The following CNTN1 variants were observed in gnomAD, a reference collection of about 807,000 sequenced individuals.
CNTN1 encodes the protein contactin-1.
In CNTN1, 38 loss-of-function variants were observed where a neutral mutation model predicts 126.4. The observed-to-expected ratio is 0.30, with a 90% CI of 0.23 to 0.39. The LOEUF is 0.39. Ranked by LOEUF, CNTN1 falls within the 10% of genes least tolerant of loss-of-function variation. CNTN1 has a pLI of 1.00. For missense variants in CNTN1, 1,009 were observed against 1,248.4 expected, an observed-to-expected ratio of 0.81 and a Z score of 2.89; for synonymous variants, 413 against 422.6, an observed-to-expected ratio of 0.98 and a Z score of 0.28.
chr12:40,792,675 G>A (rs1940263676), intron 1 of CNTN1, among the ~76,000 whole-genome samples: 1 of 151,930 alleles, frequency 6.6e-6, no homozygotes, highest in African/African-American at 2.4e-5. Flanking sequence ...ATAATTATTT[G>A]TCTTATATTT....
At chr12:41,028,451 A>G (rs1355585672) in intron 22 of CNTN1, among the ~76,000 whole-genome samples, 5 of 152,340 alleles carry the variant, frequency 3.3e-5, no homozygotes, top group African/African-American at 4.8e-5. Context: ...TGTTATGTCA[A>G]AAGTGTAAGA....
In CNTN1 at chr12:41,070,089, C is replaced by T. The variant is rs2069706845; in HGVS notation, c.*54C>T. On this transcript the variant is annotated 3_prime_UTR_variant, in exon 24 of 24. Transcript: ENST00000551295. The stretch of plus-strand genomic sequence containing the variant: ...CCAGCTCAGAAGACACCCTTCAACC[C>T]TGGGATGACCACAATTCCTTCCAAT... The T allele has an allele frequency of 6.1e-6, 9 of 1,471,736 alleles. No individual in the cohort carries two copies. Among genetic ancestry groups the T allele is most frequent in the Admixed American group, 5.0e-5 (3 of 59,760 alleles). The allele number at this position is 1,471,736 out of a possible 1,614,324, so 91.2% of individuals were successfully genotyped here.
rs1299511475 is a variant in CNTN1, at chr12:41,071,214, G to A, written c.*1179G>A. The A allele has an allele frequency of 6.6e-6, 1 of 152,128 alleles. No individual in the cohort carries two copies. Among genetic ancestry groups the A allele is most frequent in the Non-Finnish European group, 1.5e-5 (1 of 68,028 alleles). 9.4% of individuals were successfully genotyped at this position (152,128 alleles called of 1,614,324 possible). ...AAGAGTATGCAAAACTGGAAGGCCA[G>A]GAGGAGGCAAATAATATGTCTTTCC... On this transcript the variant is annotated 3_prime_UTR_variant, in exon 24 of 24. Coordinates refer to ENST00000551295, the MANE Select transcript of CNTN1 (RefSeq NM_001843.4).
chr12:40,926,068 A>G (rs1945676086), intron 6 of CNTN1, among the ~76,000 whole-genome samples: 1 of 151,558 alleles, frequency 6.6e-6, no homozygotes, highest in Non-Finnish European at 1.5e-5. Flanking sequence ...CAGTGGAGCA[A>G]AACAGGAAAA....
At chr12:40,889,274 G>A (rs939113002) in intron 1 of CNTN1, among the ~76,000 whole-genome samples, 1 of 152,134 alleles carries the variant, frequency 6.6e-6, no homozygotes, top group African/African-American at 2.4e-5. Context: ...CAAAGATGGG[G>A]GATGTGATAA....
intron 17 of CNTN1, among the ~76,000 whole-genome samples, chr12:41,012,257 C>A (rs1054643973): frequency 6.6e-6 from 1 of 152,158 alleles, no homozygotes; most frequent in Non-Finnish European, 1.5e-5. Context: ...GGGAGAGATG[C>A]TCACTGGGGG....
chr12:40,868,034 T>C (rs1285980329), intron 1 of CNTN1, among the ~76,000 whole-genome samples: 1 of 151,958 alleles, frequency 6.6e-6, no homozygotes, highest in East Asian at 1.9e-4. Context: ...GCTTTACTAC[T>C]GGAGAAATTA....
chr12:41,059,601 G>T (rs1413440312), intron 23 of CNTN1, among the ~76,000 whole-genome samples: 4 of 152,030 alleles, frequency 2.6e-5, no homozygotes. Context: ...ATAAGCCCTA[G>T]GTCCCTAATC....
chr12:40,772,833 G>T (rs75828658), intron 1 of CNTN1, among the ~76,000 whole-genome samples: 7,777 of 151,938 alleles, frequency 0.051, 256 homozygotes, highest in East Asian at 0.07. Flanking sequence ...TCATTAGCAT[G>T]GGGACAGTGA....
intron 1 of CNTN1, among the ~76,000 whole-genome samples, chr12:40,893,506 T>C (rs1944309503): frequency 2.0e-5 from 3 of 152,046 alleles, no homozygotes; most frequent in South Asian, 2.1e-4. Context: ...TTTTTTTAAA[T>C]GTTTTACCTT....
intron 17 of CNTN1, among the ~76,000 whole-genome samples, chr12:41,003,080 T>C (rs1948405600): frequency 6.6e-6 from 1 of 152,210 alleles, no homozygotes; most frequent in South Asian, 2.1e-4. Flanking sequence ...GGCTCCGGGT[T>C]TGTCACAGAT....
At chr12:40,709,531 A>G (rs1941856798) in intron 1 of CNTN1, among the ~76,000 whole-genome samples, 3 of 152,334 alleles carry the variant, frequency 2.0e-5, no homozygotes, top group African/African-American at 7.2e-5. Context: ...CCAGGTGTTG[A>G]CTTCTCCTTT....
chr12:40,714,728 A>G (rs772866810), intron 1 of CNTN1, among the ~76,000 whole-genome samples: 8 of 152,122 alleles, frequency 5.3e-5, no homozygotes, highest in Non-Finnish European at 1.0e-4. Context: ...TGACTATATC[A>G]TATGAATATT....
intron 1 of CNTN1, among the ~76,000 whole-genome samples, chr12:40,706,719 G>A (rs1941750132): frequency 6.6e-6 from 1 of 152,106 alleles, no homozygotes; most frequent in South Asian, 2.1e-4. Flanking sequence ...ATTAGCAGAT[G>A]CCCACACTAC....
intron 1 of CNTN1, among the ~76,000 whole-genome samples, chr12:40,800,396 G>A (rs965388348): frequency 6.6e-6 from 1 of 151,938 alleles, no homozygotes; most frequent in African/African-American, 2.4e-5. Flanking sequence ...GTAGTAGTGT[G>A]AGAATGGACT....
chr12:40,822,909 C>G (rs1394749301), intron 1 of CNTN1, among the ~76,000 whole-genome samples: 1 of 152,094 alleles, frequency 6.6e-6, no homozygotes, highest in East Asian at 1.9e-4. Context: ...TTCTCCCTGT[C>G]CCTCTTATAT....
At chr12:41,021,002 A>G (rs1948894355) in intron 20 of CNTN1, among the ~76,000 whole-genome samples, 1 of 152,234 alleles carries the variant, frequency 6.6e-6, no homozygotes, top group Non-Finnish European at 1.5e-5. Context: ...TAGTCAAGGG[A>G]GTAAAAACTG....
At chr12:40,763,352 AG>A (rs1265595435) in intron 1 of CNTN1, among the ~76,000 whole-genome samples, 3 of 152,250 alleles carry the variant, frequency 2.0e-5, no homozygotes, top group African/African-American at 2.4e-5. Context: ...TCTTGAGCAA[AG>A]GTCAGGAAAG....
chr12:40,787,321 A>C (rs1164934468), intron 1 of CNTN1, among the ~76,000 whole-genome samples: 1 of 152,186 alleles, frequency 6.6e-6, no homozygotes, highest in African/African-American at 2.4e-5. Context: ...GTTTAGCACC[A>C]AATATGTGCT....
Sources: gnomAD v4.1 joint callset for allele counts (sites outside exome capture counted in the v4.1 genomes callset) on GRCh38, gnomAD v4.1.1 for gene constraint, MANE v1.5 for transcripts, NCBI Gene and HGNC (gene_info 2026-07-23, HGNC 2026-07-21) for gene names.